The following PDE4DIP variants were observed in gnomAD, a reference collection of about 807,000 sequenced individuals.
PDE4DIP encodes phosphodiesterase 4D interacting protein, also known as myomegalin.
PDE4DIP carries 59 observed loss-of-function variants against 221.4 expected under a neutral mutation model. That is an observed-to-expected ratio of 0.27 (90% CI 0.22 to 0.33). The LOEUF (loss-of-function observed/expected upper bound fraction) is 0.33. PDE4DIP is among the 10% of genes least tolerant of loss of function. PDE4DIP has a pLI of 1.00. For synonymous variants in PDE4DIP, 404 were observed against 815.9 expected (o/e 0.50, Z 8.60); for missense variants, 1,036 against 2,154.2 (o/e 0.48, Z 10.28).
chr1:148,975,271 T>C (rs1472600183), intron 17 of PDE4DIP, among the ~76,000 whole-genome samples: 6 of 147,150 alleles, frequency 4.1e-5, no homozygotes, highest in Non-Finnish European at 7.4e-5. Flanking sequence ...TCCGTGAAAT[T>C]AGATTTAGAA....
At chr1:148,969,213 TG>T (rs1183277631) in intron 14 of PDE4DIP, among the ~76,000 whole-genome samples, 183 bp downstream of exon 17, 1 of 146,568 alleles carries the variant, frequency 6.8e-6, no homozygotes. Context: ...TATTTAGAGA[TG>T]GGGGTTTCGC....
intron 37 of PDE4DIP, among the ~76,000 whole-genome samples, chr1:149,022,432 A>T (rs1298908046): frequency 2.0e-5 from 3 of 152,034 alleles, no homozygotes; most frequent in Non-Finnish European, 4.4e-5. Flanking sequence ...CATGTATTTT[A>T]TGTCCCTCCA....
At chr1:149,012,624 G>A (rs2068917542) in exon 32 of PDE4DIP, 1 of 1,607,712 alleles carries the variant, frequency 6.2e-7, no homozygotes, top group African/African-American at 1.3e-5. Context: ...AAGCTGGCTA[G>A]CCTTCCTCAG....
intron 41 of PDE4DIP, among the ~76,000 whole-genome samples, chr1:149,028,916 C>A (rs1553633184): frequency 1.3e-5 from 2 of 152,104 alleles, no homozygotes; most frequent in African/African-American, 4.8e-5. Context: ...TCCCCACCAG[C>A]CCCCTGTCCC....
chr1:148,951,728 G>C (rs1249505938), intron 5 of PDE4DIP, among the ~76,000 whole-genome samples: 1 of 152,312 alleles, frequency 6.6e-6, no homozygotes, highest in Admixed American at 6.5e-5. Context: ...TGTATGTGCC[G>C]GACTCTTTCT....
chr1:148,980,445 C>A (rs1458806312), intron 20 of PDE4DIP, among the ~76,000 whole-genome samples: 3 of 152,098 alleles, frequency 2.0e-5, no homozygotes, highest in Non-Finnish European at 4.4e-5. Context: ...CATTTAATAT[C>A]ATCAAAGAAA....
chr1:148,994,552 C>A (rs1293510384), intron 22 of PDE4DIP, among the ~76,000 whole-genome samples: 50 of 149,334 alleles, frequency 3.3e-4, no homozygotes, highest in African/African-American at 1.2e-3. Flanking sequence ...ATTGACAAAT[C>A]GTAATTGTAT....
chr1:149,015,753 A>G (rs587701013), intron 32 of PDE4DIP, among the ~76,000 whole-genome samples: 1 of 151,626 alleles, frequency 6.6e-6, no homozygotes, highest in East Asian at 2.0e-4. Flanking sequence ...CCCCAGCCTC[A>G]GCAAAGAGTT....
intron 1 of PDE4DIP, among the ~76,000 whole-genome samples, chr1:148,823,786 G>GA (rs1270570738): frequency 4.3e-4 from 64 of 150,000 alleles, no homozygotes; most frequent in African/African-American, 1.5e-3. Context: ...TCTTCAAAAA[G>GA]AAAAAAAAGT....
At position 149,006,066 on chromosome 1, in the gene PDE4DIP, G is replaced by A. The variant is rs587678960; in HGVS notation, c.4415+629G>A. Among the ~76,000 whole-genome samples, 68 of 152,386 alleles carry A rather than the reference G, an allele frequency of 4.5e-4. No homozygotes were observed. The South Asian group carries it at 8.3e-3, about 19-fold the overall frequency. ...GAGAATCGCTTGAACCTGGCAGGTG[G>A]AGGTTGCAGTGAGCCGAGATGGCAC... On this transcript the variant is annotated intron_variant, in intron 27 of 43. Transcript: ENST00000369354.
chr1:148,976,466 C>T (rs587615798), intron 17 of PDE4DIP, among the ~76,000 whole-genome samples: 1 of 152,128 alleles, frequency 6.6e-6, no homozygotes, highest in South Asian at 2.1e-4. Flanking sequence ...AAGAAGTCAC[C>T]TTATGTATAA....
At position 148,923,720 on chromosome 1, in the gene PDE4DIP, G is replaced by A. The variant is rs1223623969; in HGVS notation, c.142-5477G>A. ...GATCTCCCGACCTCGTGATCTGCCCGCCTCGGCCTCCCAAAGTTCTGGGAT... is the reference window on the plus strand; with the variant it reads ...GATCTCCCGACCTCGTGATCTGCCCACCTCGGCCTCCCAAAGTTCTGGGAT... On this transcript the variant is annotated intron_variant, in intron 1 of 43. Coordinates refer to ENST00000369354, the Ensembl canonical transcript of PDE4DIP. Among the ~76,000 whole-genome samples, 4 of 145,586 alleles carry A rather than the reference G, an allele frequency of 2.7e-5. 1 individual carries two copies. The highest frequency in any genetic ancestry group is 1.9e-4 in the East Asian group (1 of 5,148).
intron 5 of PDE4DIP, among the ~76,000 whole-genome samples, chr1:148,946,017 C>T (rs1293894008): frequency 6.7e-6 from 1 of 150,156 alleles, no homozygotes; most frequent in Non-Finnish European, 1.5e-5. Flanking sequence ...ACTTGTTACT[C>T]TTTGACCTCC....
At chr1:149,032,062 C>G in exon 44 of PDE4DIP, 1 of 1,609,820 alleles carries the variant, frequency 6.2e-7, no homozygotes, top group Non-Finnish European at 8.5e-7. Context: ...GGGCCTGTCC[C>G]CCTTTTGTGC....
chr1:148,964,180 G>T (rs587722086), intron 9 of PDE4DIP, among the ~76,000 whole-genome samples: 1 of 149,284 alleles, frequency 6.7e-6, no homozygotes, highest in South Asian at 2.1e-4. Flanking sequence ...CACAATCTCG[G>T]CTCACTGCAA....
rs587724023 is a variant in PDE4DIP, at chr1:148,975,891, A to G, written c.2319+1286A>G. ...TCTATAATATAAAACCTGTGTTTGT[A>G]TTTGTGACAGAATTATCATATTTTA... On this transcript the variant is annotated intron_variant, in intron 17 of 43. Coordinates refer to ENST00000369354, the Ensembl canonical transcript of PDE4DIP. Among the ~76,000 whole-genome samples, 482 of 152,142 alleles carry G rather than the reference A, an allele frequency of 3.2e-3. 4 individuals are homozygous for G. The highest frequency in any genetic ancestry group is 0.011 in the African/African-American group (468 of 41,500).
chr1:149,009,892 A>G lies in PDE4DIP; in HGVS notation c.4927+101A>G. 6 of 959,890 alleles carry G rather than the reference A, an allele frequency of 6.3e-6. No homozygotes were observed. The South Asian group carries it at 8.6e-5, about 14-fold the overall frequency. 59.5% of individuals were successfully genotyped at this position (959,890 alleles called of 1,614,324 possible). On this transcript the variant is annotated intron_variant, in intron 30 of 43. Coordinates refer to ENST00000369354, the Ensembl canonical transcript of PDE4DIP. ...CACCATGGTGTGTATCAGGCTGAAC[A>G]TGGCTGTGGGGCCAAGTGCCATGCA...
intron 22 of PDE4DIP, among the ~76,000 whole-genome samples, chr1:148,996,565 G>A (rs1221466795): frequency 1.3e-5 from 2 of 152,018 alleles, no homozygotes; most frequent in Non-Finnish European, 2.9e-5. Flanking sequence ...TTTGTCTAAG[G>A]ATCTTTCTTC....
intron 5 of PDE4DIP, chr1:148,938,180 G>A (rs185180388): frequency 0.01 from 1,754 of 171,466 alleles, 14 homozygotes; most frequent in Non-Finnish European, 0.016. Context: ...TTGCTGTGTA[G>A]CTGTAGAAGT....
Sources: gnomAD v4.1 joint callset for allele counts (sites outside exome capture counted in the v4.1 genomes callset) on GRCh38, gnomAD v4.1.1 for gene constraint, MANE v1.5 for transcripts, NCBI Gene and HGNC (gene_info 2026-07-23, HGNC 2026-07-21) for gene names.